ITGA9: variants seen among roughly 807,000 people sequenced by gnomAD.
ITGA9 encodes the protein integrin alpha-9.
A neutral mutation model predicts 127.8 loss-of-function variants in ITGA9; 56 were observed. The ratio of observed to expected loss-of-function variants is 0.44; its 90% CI spans 0.35 to 0.55. ITGA9 has a LOEUF of 0.55. Ranked by LOEUF, ITGA9 falls within the 20% of genes least tolerant of loss-of-function variation. ITGA9 has a pLI of 0.00. For synonymous variants in ITGA9, 508 were observed against 514.5 expected, an observed-to-expected ratio of 0.99 and a Z score of 0.17; for missense variants, 1,196 against 1,347.1, an observed-to-expected ratio of 0.89 and a Z score of 1.76.
At chr3:37,788,176 T>C (rs1363185759) in intron 26 of ITGA9, among the ~76,000 whole-genome samples, 2 of 152,224 alleles carry the variant, frequency 1.3e-5, no homozygotes, top group Non-Finnish European at 2.9e-5. Context: ...TTCAGCATCT[T>C]CTATATCATT....
chr3:37,810,206 C>G (rs537982594), intron 27 of ITGA9, among the ~76,000 whole-genome samples: 20 of 152,298 alleles, frequency 1.3e-4, no homozygotes, highest in Non-Finnish European at 2.5e-4. Flanking sequence ...AAAAGTGTTG[C>G]ATAAACGTGA....
At chr3:37,683,798 C>A in intron 17 of ITGA9, 67 bp from the exon 18 acceptor site, 7 of 1,534,302 alleles carry the variant, frequency 4.6e-6, no homozygotes, top group Non-Finnish European at 6.3e-6. Flanking sequence ...CTTCAACTAC[C>A]CCCTGTGCCT....
Position 37,814,277 on chromosome 3 carries a change from C to A in ITGA9, c.3010-4614C>A, listed in dbSNP as rs184968231. ...CTATGGCTCGAAGCCAGAAAATAACCTTCCCAGGCTGGGCGCGGTGGCTCA... is the reference window on the plus strand; with the variant it reads ...CTATGGCTCGAAGCCAGAAAATAACATTCCCAGGCTGGGCGCGGTGGCTCA... On this transcript the variant is annotated intron_variant, in intron 27 of 27. Transcript: ENST00000264741. The surrounding 1 kb of genome is among the most constrained non-coding windows in gnomAD (Gnocchi z 4.3). Among the ~76,000 whole-genome samples the A allele has an allele frequency of 6.6e-6, 1 of 152,276 alleles. No homozygotes were observed. Among genetic ancestry groups the A allele is most frequent in the African/African-American group, 2.4e-5 (1 of 41,576 alleles).
At chr3:37,482,290 A>G (rs921639789) in intron 4 of ITGA9, among the ~76,000 whole-genome samples, 5 of 152,206 alleles carry the variant, frequency 3.3e-5, no homozygotes, top group Non-Finnish European at 7.3e-5. Flanking sequence ...CTCCTCGCCA[A>G]GGGGCACTTG....
chr3:37,685,677 TCA>T (rs1288016673), intron 18 of ITGA9, among the ~76,000 whole-genome samples: 2 of 152,214 alleles, frequency 1.3e-5, no homozygotes, highest in East Asian at 3.8e-4. Flanking sequence ...CAGATTTCTC[TCA>T]CTCAGGACCC....
chr3:37,629,417 C>A lies in ITGA9; in HGVS notation c.1839+81C>A, dbSNP rs1700208778. 2 of 1,527,772 alleles carry A rather than the reference C, an allele frequency of 1.3e-6. No individual in the cohort carries two copies. The highest frequency in any genetic ancestry group is 2.3e-5 in the South Asian group (2 of 85,566). 94.6% of individuals were successfully genotyped at this position (1,527,772 alleles called of 1,614,324 possible). A position where few individuals can be genotyped will look rare whatever the true frequency, so the allele number is the denominator to read the frequency against. ...AATAATGGCCCAAAAGTTGAGAGAG[C>A]CGTGGGCCTGGCTGCTCAGGAGACC... On this transcript the variant is annotated intron_variant, in intron 16 of 27. Transcript: ENST00000264741. The surrounding 1 kb of genome is among the most constrained non-coding windows in gnomAD (Gnocchi z 4.5).
intron 15 of ITGA9, among the ~76,000 whole-genome samples, chr3:37,569,946 G>A (rs1164450773): frequency 6.6e-6 from 1 of 152,208 alleles, no homozygotes; most frequent in African/African-American, 2.4e-5. Flanking sequence ...TTTCAATTAA[G>A]GGATATGCAA....
chr3:37,748,167 T>C (rs1696530022), intron 22 of ITGA9: 4 of 466,596 alleles, frequency 8.6e-6, no homozygotes, highest in South Asian at 5.1e-5. Flanking sequence ...CTAGGCTTTT[T>C]AGAAAACATG....
chr3:37,577,159 G>A (rs1699662334), intron 15 of ITGA9, among the ~76,000 whole-genome samples: 1 of 152,222 alleles, frequency 6.6e-6, no homozygotes, highest in Admixed American at 6.5e-5. Context: ...TTTCCTTCCT[G>A]TGGTACAGAC....
At chr3:37,494,245 CT>C (rs1698702082) in intron 4 of ITGA9, among the ~76,000 whole-genome samples, 1 of 152,192 alleles carries the variant, frequency 6.6e-6, no homozygotes, top group African/African-American at 2.4e-5. Context: ...GCTATTGCTC[CT>C]CTTTCTCGCA....
At chr3:37,620,580 A>G (rs774802884) in intron 15 of ITGA9, among the ~76,000 whole-genome samples, 2 of 152,180 alleles carry the variant, frequency 1.3e-5, no homozygotes, top group Admixed American at 6.5e-5. Context: ...AAAGTGGCCA[A>G]GGTTGCAGTT....
Position 37,779,198 on chromosome 3 carries a change from G to A in ITGA9, c.2668-704G>A, listed in dbSNP as rs28627120. Among the ~76,000 whole-genome samples, 437 of 152,096 alleles carry A rather than the reference G, an allele frequency of 2.9e-3. 3 individuals are homozygous for A. The highest frequency in any genetic ancestry group is 9.9e-3 in the African/African-American group (412 of 41,490). On this transcript the variant is annotated intron_variant, in intron 24 of 27. Transcript: ENST00000264741. ...CGGCTCACTGCAGCTTCTGCCTCTC[G>A]GGTTCATGCAGTTCTCCCGCCTCAG...
chr3:37,480,115 T>C (rs560633607), intron 3 of ITGA9, among the ~76,000 whole-genome samples: 1 of 152,218 alleles, frequency 6.6e-6, no homozygotes, highest in East Asian at 1.9e-4. Flanking sequence ...GGGTAGAGTG[T>C]GTGCCTCTGA....
At chr3:37,797,389 G>A (rs1355892092) in intron 26 of ITGA9, among the ~76,000 whole-genome samples, 1 of 152,076 alleles carries the variant, frequency 6.6e-6, no homozygotes, top group African/African-American at 2.4e-5. Context: ...TGAGTAGTCT[G>A]GGTTCTAGCT....
At chr3:37,784,935 C>A in intron 25 of ITGA9, 42 bp from the exon 26 acceptor site, 1 of 1,520,700 alleles carries the variant, frequency 6.6e-7, no homozygotes, top group South Asian at 1.1e-5. Context: ...CAGCCATTAT[C>A]ATAGAAAAAT....
intron 16 of ITGA9, among the ~76,000 whole-genome samples, chr3:37,640,082 T>G (rs980742113): frequency 6.6e-6 from 1 of 152,218 alleles, no homozygotes; most frequent in Non-Finnish European, 1.5e-5. Context: ...GGTCTTTCAC[T>G]GCGGTAGGCA....
intron 18 of ITGA9, among the ~76,000 whole-genome samples, chr3:37,686,677 C>T (rs1700785180): frequency 6.6e-6 from 1 of 152,088 alleles, no homozygotes; most frequent in African/African-American, 2.4e-5. Flanking sequence ...GCATCAGGCT[C>T]TTCGGGACGT....
intron 1 of ITGA9, among the ~76,000 whole-genome samples, chr3:37,464,203 G>A (rs756097248): frequency 2.7e-5 from 4 of 150,914 alleles, no homozygotes; most frequent in Non-Finnish European, 5.9e-5. Context: ...ATTTTTTTGT[G>A]CTAGTTCTTG....
intron 18 of ITGA9, among the ~76,000 whole-genome samples, chr3:37,690,013 G>A (rs117062624): frequency 1.9e-4 from 29 of 152,352 alleles, no homozygotes; most frequent in East Asian, 3.9e-4. Context: ...GTGCTGAAAC[G>A]TTGTTTGAAG....
Sources: allele counts gnomAD v4.1 joint callset (sites outside exome capture counted in the v4.1 genomes callset), GRCh38; gene constraint gnomAD v4.1.1; non-coding constraint Gnocchi (gnomAD v3.1); transcripts MANE v1.5; gene names NCBI Gene and HGNC (gene_info 2026-07-23, HGNC 2026-07-21).